SCRG1: variants seen among roughly 807,000 people sequenced by gnomAD.
The protein encoded by SCRG1 is stimulator of chondrogenesis 1.
A neutral mutation model predicts 7.7 loss-of-function variants in SCRG1; 3 were observed. The ratio of observed to expected loss-of-function variants is 0.39; its 90% CI spans 0.18 to 1.01. The LOEUF (loss-of-function observed/expected upper bound fraction) is 1.01. Ranked by LOEUF, SCRG1 falls within the 50% of genes least tolerant of loss-of-function variation. SCRG1 has a pLI of 0.36. For missense variants in SCRG1, 110 were observed against 117.2 expected (o/e 0.94, Z 0.28); for synonymous variants, 46 against 41.2 (o/e 1.12, Z -0.44).
the SCRG1 span, among the ~76,000 whole-genome samples, chr4:173,453,271 T>C: frequency 6.6e-6 from 1 of 152,196 alleles, no homozygotes; most frequent in Non-Finnish European, 1.5e-5. Flanking sequence ...TAAACATCCT[T>C]GTAATCATAG....
At chr4:173,512,667 G>T in the SCRG1 span, among the ~76,000 whole-genome samples, 7 of 152,188 alleles carry the variant, frequency 4.6e-5, no homozygotes, top group Non-Finnish European at 1.5e-5. Flanking sequence ...ATCCCAGAGA[G>T]TGTCCCCCAT....
the SCRG1 span, among the ~76,000 whole-genome samples, chr4:173,455,627 G>A: frequency 2.0e-5 from 3 of 152,200 alleles, no homozygotes; most frequent in African/African-American, 7.2e-5. Context: ...AGCCTTCAGG[G>A]AGAAGTGGAG....
chr4:173,437,233 T>C, the SCRG1 span, among the ~76,000 whole-genome samples: 1 of 152,148 alleles, frequency 6.6e-6, no homozygotes, highest in African/African-American at 2.4e-5. Flanking sequence ...ATTTACTATG[T>C]AAGACACTCA....
the SCRG1 span, chr4:173,419,866 C>T: frequency 8.9e-7 from 1 of 1,128,554 alleles, no homozygotes. Context: ...GGGCCAGCAG[C>T]AGGCCAGTAC....
the SCRG1 span, among the ~76,000 whole-genome samples, chr4:173,500,372 C>T: frequency 3.9e-5 from 6 of 152,186 alleles, no homozygotes; most frequent in Non-Finnish European, 7.3e-5. Context: ...CACCCCTGTT[C>T]GCCGGGGAGT....
At chr4:173,433,737 C>T in the SCRG1 span, among the ~76,000 whole-genome samples, 1 of 152,222 alleles carries the variant, frequency 6.6e-6, no homozygotes, top group Non-Finnish European at 1.5e-5. Context: ...CTTAGAACCT[C>T]ACTGCAATCT....
the SCRG1 span, among the ~76,000 whole-genome samples, chr4:173,516,998 G>A: frequency 1.3e-5 from 2 of 152,254 alleles, no homozygotes; most frequent in African/African-American, 4.8e-5. Flanking sequence ...TGCTTAGCAA[G>A]CTGGGGAAAC....
chr4:173,438,788 C>T, the SCRG1 span, among the ~76,000 whole-genome samples: 37,932 of 151,330 alleles, frequency 0.25, 4,984 homozygotes, highest in South Asian at 0.46. Context: ...CTAATTCTTG[C>T]AAAGCTTGAT....
the SCRG1 span, among the ~76,000 whole-genome samples, chr4:173,453,874 C>T: frequency 1.1e-4 from 16 of 151,968 alleles, no homozygotes; most frequent in South Asian, 6.2e-4. Context: ...GTCAGGAGTT[C>T]GAGACCAGCC....
the SCRG1 span, among the ~76,000 whole-genome samples, chr4:173,475,766 T>C: frequency 6.6e-6 from 1 of 152,116 alleles, no homozygotes; most frequent in East Asian, 1.9e-4. Flanking sequence ...CAGACTTAAA[T>C]AGGAAGGAAA....
chr4:173,415,792 T>A, the SCRG1 span, among the ~76,000 whole-genome samples: 1 of 152,156 alleles, frequency 6.6e-6, no homozygotes, highest in African/African-American at 2.4e-5. Flanking sequence ...ACAGGAGAAG[T>A]GAGGTTTCAG....
At chr4:173,461,150 G>C in the SCRG1 span, among the ~76,000 whole-genome samples, 1 of 152,262 alleles carries the variant, frequency 6.6e-6, no homozygotes, top group Admixed American at 6.5e-5. Flanking sequence ...AAATCTTGCT[G>C]CCCTGAAGGG....
At chr4:173,503,161 A>C in the SCRG1 span, among the ~76,000 whole-genome samples, 1 of 151,956 alleles carries the variant, frequency 6.6e-6, no homozygotes, top group Non-Finnish European at 1.5e-5. The surrounding 1 kb of genome is among the most constrained non-coding windows in gnomAD (Gnocchi z 6.4). Context: ...GGCCAGCTTG[A>C]CCCTGTGTCG....
the SCRG1 span, among the ~76,000 whole-genome samples, chr4:173,479,060 G>A: frequency 6.6e-6 from 1 of 152,076 alleles, no homozygotes; most frequent in East Asian, 1.9e-4. Flanking sequence ...TCGTACACTG[G>A]GTGCATCTCT....
chr4:173,512,012 C>T, the SCRG1 span, among the ~76,000 whole-genome samples: 14 of 152,326 alleles, frequency 9.2e-5, no homozygotes, highest in Admixed American at 1.3e-4. Context: ...CTCATCAGAA[C>T]ACAAGCATCA....
chr4:173,436,357 C>G, the SCRG1 span, among the ~76,000 whole-genome samples: 1 of 152,198 alleles, frequency 6.6e-6, no homozygotes, highest in Non-Finnish European at 1.5e-5. Flanking sequence ...CATCACTTCT[C>G]TCTGAGTTAT....
chr4:173,479,890 A>C, the SCRG1 span, among the ~76,000 whole-genome samples: 1 of 152,180 alleles, frequency 6.6e-6, no homozygotes, highest in East Asian at 1.9e-4. Flanking sequence ...TAATTTGGGA[A>C]TCAAACTTGG....
upstream of SCRG1, among the ~76,000 whole-genome samples, chr4:173,411,100 C>G (rs1740024840): frequency 6.6e-6 from 1 of 152,170 alleles, no homozygotes; most frequent in African/African-American, 2.4e-5. Context: ...TAATGCCCAC[C>G]ACCTGCAATT....
At chr4:173,501,203 C>T in the SCRG1 span, among the ~76,000 whole-genome samples, 2 of 152,224 alleles carry the variant, frequency 1.3e-5, no homozygotes, top group Non-Finnish European at 2.9e-5. The surrounding 1 kb of genome is among the most constrained non-coding windows in gnomAD (Gnocchi z 5.1). Context: ...AGCCACGCGG[C>T]CCGAGCTCCG....
Sources: allele counts gnomAD v4.1 joint callset (sites outside exome capture counted in the v4.1 genomes callset), GRCh38; gene constraint gnomAD v4.1.1; non-coding constraint Gnocchi (gnomAD v3.1); transcripts MANE v1.5; gene names NCBI Gene and HGNC (gene_info 2026-07-23, HGNC 2026-07-21).